Variants in FGF13 observed in about 807,000 individuals in gnomAD.
FGF13 encodes fibroblast growth factor 13, also known as fibroblast growth factor homologous factor 2.
A neutral mutation model predicts 19.5 loss-of-function variants in FGF13; 2 were observed. The observed-to-expected ratio is 0.10, with a 90% CI of 0.04 to 0.32. FGF13 has a LOEUF of 0.32. Ranked by LOEUF, FGF13 falls within the 10% of genes least tolerant of loss-of-function variation. FGF13 has a pLI of 1.00. For synonymous variants in FGF13, 72 were observed against 76.9 expected (o/e 0.94, Z 0.33); for missense variants, 113 against 192.7 (o/e 0.59, Z 2.45).
chrX:139,009,436 C>A (rs2092118723), intron 1 of FGF13, among the ~76,000 whole-genome samples: 1 of 111,845 alleles, frequency 8.9e-6, no homozygotes, highest in Non-Finnish European at 1.9e-5. Flanking sequence ...AAAAACTTAT[C>A]AGATGAACGC....
intron 1 of FGF13, among the ~76,000 whole-genome samples, chrX:139,142,769 T>G (rs1036290389): frequency 3.6e-5 from 4 of 111,755 alleles, no homozygotes; most frequent in Non-Finnish European, 7.5e-5. Context: ...CACTGATCAG[T>G]TTTTTCTTAC....
intron 1 of FGF13, among the ~76,000 whole-genome samples, chrX:138,984,337 G>A: frequency 9.3e-6 from 1 of 107,488 alleles, no homozygotes; most frequent in South Asian, 4.2e-4. Flanking sequence ...GAACCCGGGA[G>A]GCGGAGGTTG....
chrX:138,933,186 G>C (rs1337361016), intron 1 of FGF13, among the ~76,000 whole-genome samples: 1 of 111,889 alleles, frequency 8.9e-6, no homozygotes, highest in Non-Finnish European at 1.9e-5. Context: ...CAGTCTGTGA[G>C]GTTACTGAGG....
chrX:139,030,221 A>C (rs1003292576), intron 1 of FGF13, among the ~76,000 whole-genome samples: 4 of 111,253 alleles, frequency 3.6e-5, no homozygotes, highest in African/African-American at 1.3e-4. Context: ...GAAAGATAAA[A>C]GCTGGATTTT....
chrX:138,985,149 A>T (rs748683637), intron 1 of FGF13: 1 of 333,005 alleles, frequency 3.0e-6, no homozygotes, highest in African/African-American at 2.6e-5. Flanking sequence ...TGGAAGGAAA[A>T]GTTTAGGCTG....
At chrX:139,174,153 T>C (rs1316488086) in intron 1 of FGF13, among the ~76,000 whole-genome samples, 3 of 112,833 alleles carry the variant, frequency 2.7e-5, no homozygotes, top group Non-Finnish European at 5.6e-5. Flanking sequence ...CAATGACCAG[T>C]GATGATGAAC....
chrX:138,969,355 T>A (rs2091906724), intron 1 of FGF13, among the ~76,000 whole-genome samples: 1 of 111,365 alleles, frequency 9.0e-6, no homozygotes, highest in South Asian at 3.8e-4. Context: ...TCAAGGGAAC[T>A]TTGGGATAGG....
At chrX:139,173,444 G>A (rs1384998354) in intron 1 of FGF13, among the ~76,000 whole-genome samples, 1 of 110,096 alleles carries the variant, frequency 9.1e-6, no homozygotes, top group Non-Finnish European at 1.9e-5. Context: ...GGATACATGG[G>A]CAGAACGTGC....
intron 1 of FGF13, among the ~76,000 whole-genome samples, chrX:139,140,732 C>G (rs916205152): frequency 2.7e-5 from 3 of 110,629 alleles, no homozygotes; most frequent in African/African-American, 9.9e-5. Flanking sequence ...TTTTATCATT[C>G]CCCCAATGTC....
chrX:139,122,498 A>G (rs2083684483), intron 1 of FGF13, among the ~76,000 whole-genome samples: 2 of 111,595 alleles, frequency 1.8e-5, no homozygotes, highest in Admixed American at 1.9e-4. Flanking sequence ...TCCAATAGGC[A>G]ATTCTCACTC....
chrX:138,640,301 T>C (rs2089235239), intron 3 of FGF13, among the ~76,000 whole-genome samples: 1 of 112,050 alleles, frequency 8.9e-6, no homozygotes, highest in East Asian at 2.8e-4. Context: ...ACACAGACTT[T>C]AGAGAGGCAA....
At chrX:139,117,051 A>G (rs770491896) in intron 1 of FGF13, among the ~76,000 whole-genome samples, 2 of 111,609 alleles carry the variant, frequency 1.8e-5, no homozygotes, top group South Asian at 7.6e-4. Flanking sequence ...CTGAGAACTT[A>G]AGATGTGCCA....
At chrX:139,031,602 A>G (rs934666882) in intron 1 of FGF13, among the ~76,000 whole-genome samples, 1 of 110,734 alleles carries the variant, frequency 9.0e-6, no homozygotes, top group Non-Finnish European at 1.9e-5. Flanking sequence ...GAAATTGGAA[A>G]CAATAGAATC....
intron 1 of FGF13, among the ~76,000 whole-genome samples, chrX:138,971,112 G>T (rs958667403): frequency 1.8e-5 from 2 of 111,382 alleles, no homozygotes; most frequent in Admixed American, 9.6e-5. Context: ...CAACACCAAG[G>T]GTTCCCTGGT....
Position 138,919,571 on chromosome X carries a change from T to C in FGF13, c.-112-54921A>G, listed in dbSNP as rs376840788. 3.6e-5 allele frequency among the ~76,000 whole-genome samples: 4 copies of C among 112,126 alleles called. No homozygotes were observed. In the East Asian group the frequency reaches 1.1e-3, roughly 31 times the overall value. ...ACACAACTGCATGCAACAACTTGGA[T>C]ACATCTGAAGGAAATTGTTGCTGAG... is the stretch of plus-strand genomic sequence containing the variant. On this transcript the variant is annotated intron_variant, in intron 1 of 2. Transcript: ENST00000421460.
rs768479658 is a variant in FGF13, at chrX:139,071,643, T to C, written c.-113+131773A>G. ...TCACACTTTCTTTGTTTTAATAAAT[T>C]TCCATTACAGTCCACCCTATAATAG... On this transcript the variant is annotated intron_variant, in intron 1 of 2. Transcript: ENST00000421460. Among the ~76,000 whole-genome samples the C allele has an allele frequency of 3.6e-5, 4 of 111,792 alleles. No individual in the cohort carries two copies. The South Asian group carries it at 1.5e-3, about 42-fold the overall frequency.
At chrX:139,172,526 C>T (rs190769087) in intron 1 of FGF13, among the ~76,000 whole-genome samples, 164 of 111,692 alleles carry the variant, frequency 1.5e-3, no homozygotes, top group Non-Finnish European at 2.2e-3. Context: ...ACCAGGTATT[C>T]GATCCATCCT....
intron 1 of FGF13, among the ~76,000 whole-genome samples, chrX:139,023,834 G>C (rs780432712): frequency 9.0e-6 from 1 of 111,187 alleles, no homozygotes; most frequent in Admixed American, 9.6e-5. Flanking sequence ...TGAACAATAT[G>C]CATCCAAATG....
chrX:139,108,816 T>C (rs2083579171), intron 1 of FGF13, among the ~76,000 whole-genome samples: 1 of 110,447 alleles, frequency 9.1e-6, no homozygotes, highest in Non-Finnish European at 1.9e-5. Context: ...CACTAGCTAT[T>C]TTTCCAAATG....
Sources: allele counts gnomAD v4.1 joint callset (sites outside exome capture counted in the v4.1 genomes callset), GRCh38; gene constraint gnomAD v4.1.1; transcripts MANE v1.5; gene names NCBI Gene and HGNC (gene_info 2026-07-23, HGNC 2026-07-21).